LHFPL2: variants seen among roughly 807,000 people sequenced by gnomAD.
The protein encoded by LHFPL2 is LHFPL tetraspan subfamily member 2, also known as LHFPL tetraspan subfamily member 2 protein.
In LHFPL2, 7 loss-of-function variants were observed where a neutral mutation model predicts 17.5. That is an observed-to-expected ratio of 0.40 (90% CI 0.23 to 0.75). LHFPL2 has a LOEUF of 0.75. Ranked by LOEUF, LHFPL2 falls within the 30% of genes least tolerant of loss-of-function variation. The pLI, the probability that LHFPL2 is intolerant of heterozygous loss-of-function variation, is 0.37. For synonymous variants in LHFPL2, 134 were observed against 116.2 expected (o/e 1.15, Z -0.99); for missense variants, 241 against 294.8 (o/e 0.82, Z 1.34).
At chr5:78,636,353 A>T (rs1341949204) in intron 1 of LHFPL2, among the ~76,000 whole-genome samples, 5 of 152,262 alleles carry the variant, frequency 3.3e-5, no homozygotes, top group African/African-American at 1.2e-4. Context: ...AATTGTAAGT[A>T]CAACAGTAAG....
chr5:78,607,576 G>A (rs1744265453), intron 2 of LHFPL2, among the ~76,000 whole-genome samples: 1 of 152,148 alleles, frequency 6.6e-6, no homozygotes, highest in Non-Finnish European at 1.5e-5. Flanking sequence ...CCCCCATCCA[G>A]TTGGTTCCAC....
chr5:78,632,446 C>A (rs550341162), intron 1 of LHFPL2, 78 bp from the exon 2 acceptor site: 1 of 152,182 alleles, frequency 6.6e-6, no homozygotes, highest in Non-Finnish European at 1.5e-5. Flanking sequence ...CAGAAACCTG[C>A]AGTCTATGGC....
chr5:78,560,557 G>C (rs1172450033), intron 3 of LHFPL2, among the ~76,000 whole-genome samples: 1 of 152,116 alleles, frequency 6.6e-6, no homozygotes, highest in Non-Finnish European at 1.5e-5. Flanking sequence ...GAAAACACTG[G>C]TTTCATATCC....
At chr5:78,540,718 C>T (rs1756085240) in intron 3 of LHFPL2, among the ~76,000 whole-genome samples, 3 of 152,232 alleles carry the variant, frequency 2.0e-5, no homozygotes, top group African/African-American at 7.2e-5. Flanking sequence ...CTACCAATGT[C>T]ACTGCATTAA....
At chr5:78,555,124 A>G (rs1756538872) in intron 3 of LHFPL2, among the ~76,000 whole-genome samples, 1 of 152,236 alleles carries the variant, frequency 6.6e-6, no homozygotes, top group Non-Finnish European at 1.5e-5. Context: ...AAATATGGAA[A>G]TAATTAAGGT....
chr5:78,569,438 T>C (rs1450366429), intron 2 of LHFPL2, among the ~76,000 whole-genome samples: 1 of 152,256 alleles, frequency 6.6e-6, no homozygotes, highest in African/African-American at 2.4e-5. Context: ...TCCCCATTTC[T>C]GCAGCCAAAG....
rs112729248 is a variant in LHFPL2 at position 78,530,419 on chromosome 5, TA to T, written c.-185-20022del. On this transcript the variant is annotated intron_variant, in intron 3 of 4. Coordinates refer to ENST00000380345, the MANE Select transcript of LHFPL2 (RefSeq NM_005779.3). ...GTTCACATGAAATCAGGCTGAACCA[TA>T]AACAGTCATCCCAAGAGATTTGTCT... 2.1e-3 allele frequency among the ~76,000 whole-genome samples: 327 copies of T among 152,364 alleles called. 1 individual carries two copies. The highest frequency in any genetic ancestry group is 7.4e-3 in the African/African-American group (309 of 41,596).
intron 3 of LHFPL2, among the ~76,000 whole-genome samples, chr5:78,522,579 G>A (rs927493986): frequency 6.6e-6 from 1 of 152,164 alleles, no homozygotes; most frequent in African/African-American, 2.4e-5. Context: ...AAGCACTGAA[G>A]TTCTAAAGTG....
intron 4 of LHFPL2, among the ~76,000 whole-genome samples, chr5:78,508,146 C>T (rs1754990954): frequency 6.6e-6 from 1 of 152,136 alleles, no homozygotes; most frequent in African/African-American, 2.4e-5. Flanking sequence ...AGGAGCTTCA[C>T]AGAATCAAAC....
intron 2 of LHFPL2, among the ~76,000 whole-genome samples, chr5:78,590,648 A>T (rs1743594222): frequency 6.6e-6 from 1 of 152,218 alleles, no homozygotes; most frequent in Non-Finnish European, 1.5e-5. Flanking sequence ...CTTGGATTTA[A>T]TAAAAGTCAA....
chr5:78,624,424 G>A (rs1220479685), intron 2 of LHFPL2, among the ~76,000 whole-genome samples: 1 of 152,186 alleles, frequency 6.6e-6, no homozygotes, highest in African/African-American at 2.4e-5. Flanking sequence ...GGATTCCAGA[G>A]GAAGCACACT....
chr5:78,530,151 A>T (rs1040877466), intron 3 of LHFPL2, among the ~76,000 whole-genome samples: 15 of 152,274 alleles, frequency 9.9e-5, no homozygotes, highest in Admixed American at 4.6e-4. Flanking sequence ...CATCAGTAAA[A>T]TTTTTTCAAA....
intron 1 of LHFPL2, among the ~76,000 whole-genome samples, chr5:78,633,055 C>T (rs1373050582): frequency 1.3e-5 from 2 of 152,200 alleles, no homozygotes; most frequent in African/African-American, 2.4e-5. Flanking sequence ...AGAGTTTCGA[C>T]TGGACCTTAA....
chr5:78,556,710 AATGAC>A (rs1336437284), intron 3 of LHFPL2, among the ~76,000 whole-genome samples: 4 of 152,240 alleles, frequency 2.6e-5, no homozygotes, highest in African/African-American at 9.6e-5. Flanking sequence ...AGGAACTTAT[AATGAC>A]ATGAGGAAAT....
chr5:78,498,225 C>T (rs1423938578), intron 4 of LHFPL2, among the ~76,000 whole-genome samples: 5 of 152,170 alleles, frequency 3.3e-5, no homozygotes, highest in Admixed American at 6.5e-5. Context: ...CCCAGGAAAA[C>T]GCCCACTCCT....
At chr5:78,508,913 T>TG in intron 4 of LHFPL2, among the ~76,000 whole-genome samples, 1 of 152,162 alleles carries the variant, frequency 6.6e-6, no homozygotes, top group East Asian at 1.9e-4. Flanking sequence ...GCCATGTGTT[T>TG]TTGTGTGTGA....
intron 2 of LHFPL2, among the ~76,000 whole-genome samples, chr5:78,609,127 A>T: frequency 6.6e-6 from 1 of 152,158 alleles, no homozygotes; most frequent in Non-Finnish European, 1.5e-5. Flanking sequence ...TAGTACAAAG[A>T]TGTTTAATGG....
At position 78,490,704 on chromosome 5, in the gene LHFPL2, G is replaced by C. The variant is rs141126464; in HGVS notation, c.431-1551C>G. Among the ~76,000 whole-genome samples the C allele has an allele frequency of 9.0e-3, 1,222 of 135,876 alleles. 12 individuals are homozygous for C. The highest frequency in any genetic ancestry group is 0.033 in the African/African-American group (1,150 of 35,032). 89.1% of individuals were successfully genotyped at this position (135,876 alleles called of 152,430 possible). On this transcript the variant is annotated intron_variant, in intron 4 of 4. Transcript: ENST00000380345. Reference sequence around the variant, plus strand: ...TGGAGGTTGCAGTGAGCCAAGATTGGGCCACTGCACTCCAGCCTGGCAAAA... The same window carrying C: ...TGGAGGTTGCAGTGAGCCAAGATTGCGCCACTGCACTCCAGCCTGGCAAAA...
chr5:78,599,020 A>G (rs770002156), intron 2 of LHFPL2, among the ~76,000 whole-genome samples: 4 of 152,174 alleles, frequency 2.6e-5, no homozygotes, highest in South Asian at 4.1e-4. Flanking sequence ...ATCCAAGTCC[A>G]GTTATCCCTA....
Sources: allele counts gnomAD v4.1 joint callset (sites outside exome capture counted in the v4.1 genomes callset), GRCh38; gene constraint gnomAD v4.1.1; transcripts MANE v1.5; gene names NCBI Gene and HGNC (gene_info 2026-07-23, HGNC 2026-07-21).